The following ARFGAP3 variants were observed in gnomAD, a reference collection of about 807,000 sequenced individuals.
ARFGAP3 encodes the protein ARF GTPase activating protein 3.
Under a neutral mutation model 75.0 loss-of-function variants are expected in ARFGAP3, and 72 were observed. That is an observed-to-expected ratio of 0.96 (90% CI 0.79 to 1.17). The LOEUF is 1.17. Ranked by LOEUF, ARFGAP3 falls within the 50% of genes most tolerant of loss-of-function variation. The pLI, the probability that ARFGAP3 is intolerant of heterozygous loss-of-function variation, is 0.00. For synonymous variants in ARFGAP3, 221 were observed against 217.9 expected (o/e 1.01, Z -0.13); for missense variants, 620 against 626.6 (o/e 0.99, Z 0.11).
chr22:42,834,480 G>A (rs1926435330), intron 4 of ARFGAP3, 155 bp from the exon 5 acceptor site: 1 of 918,544 alleles, frequency 1.1e-6, no homozygotes, highest in Non-Finnish European at 1.3e-6. Context: ...ACCTCTGCGT[G>A]CACTTTAGTA....
Position 42,797,306 on chromosome 22 carries a change from C to T in ARFGAP3, c.*282G>A, listed in dbSNP as rs917224579. On this transcript the variant is annotated 3_prime_UTR_variant, in exon 16 of 16. Transcript: ENST00000263245. The stretch of plus-strand genomic sequence containing the variant: ...GGAGGAGCCGAGGTCTCCAGGCCCT[C>T]AGTGTTGAAATCAAAGGTTCCAAGA... The T allele has an allele frequency of 4.5e-6, 2 of 443,924 alleles. No individual in the cohort carries two copies. The highest frequency in any genetic ancestry group is 5.3e-5 in the South Asian group (2 of 37,836). The allele number at this position is 443,924 out of a possible 1,614,324, so 27.5% of individuals were successfully genotyped here. A position where few individuals can be genotyped will look rare whatever the true frequency, so the allele number is the denominator to read the frequency against.
chr22:42,810,581 A>T (rs9611914), intron 12 of ARFGAP3, among the ~76,000 whole-genome samples: 55,908 of 152,046 alleles, frequency 0.37, 11,164 homozygotes, highest in Non-Finnish European at 0.45. Context: ...TTTGAGGGGG[A>T]CTTACTCTGT....
intron 1 of ARFGAP3, among the ~76,000 whole-genome samples, chr22:42,851,810 T>A (rs905722173): frequency 6.6e-6 from 1 of 152,250 alleles, no homozygotes; most frequent in Non-Finnish European, 1.5e-5. Context: ...TTTTGTTTAA[T>A]GATGAGAATA....
In ARFGAP3 at chr22:42,840,979, A is replaced by G. The variant is rs1926757127; in HGVS notation, c.226T>C (p.Leu76=). ...TTTCCTCCGACTTGCATGCATCGCA[A>G]CTGAAACCATGACCAGTTGGAATCC... ...ELDSNWSWFQ[L]RCMQVGGNAS... Residue 76 remains leucine (L), a synonymous_variant, in exon 3 of 16, where the codon TTG becomes CTG. Coordinates refer to ENST00000263245, the MANE Select transcript of ARFGAP3 (RefSeq NM_014570.5). 1 of 1,614,220 alleles carries G rather than the reference A, an allele frequency of 6.2e-7. No individual in the cohort carries two copies. Among genetic ancestry groups the G allele is most frequent in the Non-Finnish European group, 8.5e-7 (1 of 1,180,024 alleles).
Position 42,840,929 on chromosome 22 carries a change from T to C in ARFGAP3, c.261+15A>G, listed in dbSNP as rs772168495. On this transcript the variant is annotated intron_variant, in intron 3 of 15. Transcript: ENST00000263245. The stretch of plus-strand genomic sequence containing the variant: ...TTAAACAAGAAGGAAAATGACGAGT[T>C]TGAGATGAACTTACTGCACTAGCGT... The C allele has an allele frequency of 6.2e-7, 1 of 1,612,820 alleles. No homozygotes were observed. The highest frequency in any genetic ancestry group is 1.7e-5 in the Admixed American group (1 of 59,822).
intron 11 of ARFGAP3, among the ~76,000 whole-genome samples, chr22:42,814,273 G>A (rs988890816): frequency 2.0e-5 from 3 of 152,106 alleles, no homozygotes; most frequent in Non-Finnish European, 4.4e-5. Context: ...GCTCTTCATC[G>A]AACTAATATA....
chr22:42,827,384 G>C (rs1319294905), intron 6 of ARFGAP3, among the ~76,000 whole-genome samples: 1 of 151,744 alleles, frequency 6.6e-6, no homozygotes, highest in Non-Finnish European at 1.5e-5. Flanking sequence ...TTTTCTTTTG[G>C]AGACAGAATT....
Position 42,831,532 on chromosome 22 carries a change from A to G in ARFGAP3, c.565+17T>C. The G allele has an allele frequency of 6.2e-7, 1 of 1,607,732 alleles. No homozygotes were observed. The highest frequency in any genetic ancestry group is 8.5e-7 in the Non-Finnish European group (1 of 1,175,298). On this transcript the variant is annotated intron_variant, in intron 6 of 15. Transcript: ENST00000263245. ...GAACCATAGAATAGTATTACATGAC[A>G]GTTCTAAGGACTCCACCTTCATTAT...
At chr22:42,825,758 A>T (rs1377522284) in intron 7 of ARFGAP3, among the ~76,000 whole-genome samples, 11 of 152,138 alleles carry the variant, frequency 7.2e-5, no homozygotes, top group Admixed American at 5.9e-4. Flanking sequence ...GCACAAAAAT[A>T]CTTTTAGAGA....
At chr22:42,825,344 T>C (rs1925990707) in intron 7 of ARFGAP3, among the ~76,000 whole-genome samples, 1 of 152,204 alleles carries the variant, frequency 6.6e-6, no homozygotes. Flanking sequence ...CACCTTGGCT[T>C]ATATATAGAT....
intron 1 of ARFGAP3, among the ~76,000 whole-genome samples, chr22:42,856,893 C>G (rs1927528158): frequency 6.6e-6 from 1 of 151,082 alleles, no homozygotes. Context: ...GAACGCTCCC[C>G]GGCTCGCGTG....
At chr22:42,816,253 C>T (rs554820459) in intron 11 of ARFGAP3, among the ~76,000 whole-genome samples, 124 of 152,320 alleles carry the variant, frequency 8.1e-4, no homozygotes, top group African/African-American at 2.8e-3. Context: ...GTATCTCATT[C>T]GATCCTCACA....
At chr22:42,842,770 C>A (rs981024940) in intron 2 of ARFGAP3, among the ~76,000 whole-genome samples, 1 of 152,052 alleles carries the variant, frequency 6.6e-6, no homozygotes, top group African/African-American at 2.4e-5. Context: ...ATTTCCCAGC[C>A]GCCCTTTGTT....
intron 2 of ARFGAP3, among the ~76,000 whole-genome samples, chr22:42,842,479 G>A (rs977206651): frequency 6.7e-6 from 1 of 149,934 alleles, no homozygotes; most frequent in African/African-American, 2.5e-5. Flanking sequence ...ACACAGCCTC[G>A]TTCTGTTGCC....
chr22:42,847,609 T>G lies in ARFGAP3; in HGVS notation c.93A>C (p.Lys31Asn). ...TNKVCFDCGA[K>N]NPSWASITYG... is the part of the protein sequence containing the mutation. ...AGGTTATGCTTGCCCAGCTGGGATT[T>G]TTGGCACCACAATCAAAACACACCT... Residue 31 changes from lysine (K) to asparagine (N), a missense_variant, in exon 2 of 16, where the codon AAA becomes AAC. Coordinates refer to ENST00000263245, the MANE Select transcript of ARFGAP3 (RefSeq NM_014570.5). The G allele has an allele frequency of 6.2e-7, 1 of 1,613,060 alleles. No homozygotes were observed. Among genetic ancestry groups the G allele is most frequent in the East Asian group, 2.2e-5 (1 of 44,848 alleles).
At chr22:42,847,197 TTA>T (rs1395248135) in intron 2 of ARFGAP3, 1 of 211,850 alleles carries the variant, frequency 4.7e-6, no homozygotes, top group Non-Finnish European at 9.5e-6. Context: ...AGACAGGGTC[TTA>T]CTCTGTCGCC....
chr22:42,848,266 C>T (rs192847104), intron 1 of ARFGAP3, among the ~76,000 whole-genome samples: 1,764 of 152,022 alleles, frequency 0.012, 25 homozygotes, highest in South Asian at 0.043. Context: ...TGGAGTGCAG[C>T]GGCACGATTT....
chr22:42,838,447 T>A (rs1926635844), intron 3 of ARFGAP3, among the ~76,000 whole-genome samples: 1 of 151,748 alleles, frequency 6.6e-6, no homozygotes, highest in South Asian at 2.1e-4. Context: ...ATAGGCAGGT[T>A]CCACTATGCC....
intron 6 of ARFGAP3, among the ~76,000 whole-genome samples, chr22:42,829,874 A>T (rs994307248): frequency 1.3e-5 from 2 of 152,192 alleles, no homozygotes; most frequent in African/African-American, 4.8e-5. Context: ...CCTTGTGTAA[A>T]GAGTAAAGAA....
Sources: allele counts gnomAD v4.1 joint callset (sites outside exome capture counted in the v4.1 genomes callset), GRCh38; gene constraint gnomAD v4.1.1; transcripts MANE v1.5; gene names NCBI Gene and HGNC (gene_info 2026-07-23, HGNC 2026-07-21).